DOK6: variants seen among roughly 807,000 people sequenced by gnomAD.
DOK6 encodes the protein docking protein 6, also known as downstream of tyrosine kinase 6.
Under a neutral mutation model 44.0 loss-of-function variants are expected in DOK6, and 22 were observed. That is an observed-to-expected ratio of 0.50 (90% CI 0.36 to 0.71). The LOEUF (loss-of-function observed/expected upper bound fraction) is 0.71, where lower values mean the gene tolerates loss of function less well. DOK6 is among the 30% of genes least tolerant of loss of function. The pLI is 0.00. For missense variants in DOK6, 340 were observed against 416.4 expected, an observed-to-expected ratio of 0.82 and a Z score of 1.60; for synonymous variants, 166 against 145.5, an observed-to-expected ratio of 1.14 and a Z score of -1.01.
At chr18:69,796,199 G>C (rs773715206) in intron 7 of DOK6, among the ~76,000 whole-genome samples, 1 of 152,106 alleles carries the variant, frequency 6.6e-6, no homozygotes, top group Admixed American at 6.6e-5. Flanking sequence ...TCCAAAGAAG[G>C]GTCCTGGAAA....
intron 1 of DOK6, among the ~76,000 whole-genome samples, chr18:69,489,937 A>G (rs1271161210): frequency 6.6e-6 from 1 of 152,104 alleles, no homozygotes; most frequent in Non-Finnish European, 1.5e-5. Context: ...TAAAAAAAAA[A>G]AAAAACCCTA....
chr18:69,816,237 A>G (rs1568134499), intron 7 of DOK6, among the ~76,000 whole-genome samples: 1 of 152,192 alleles, frequency 6.6e-6, no homozygotes, highest in Non-Finnish European at 1.5e-5. Context: ...GGCCTACGGC[A>G]TTGCCAGGCC....
intron 3 of DOK6, among the ~76,000 whole-genome samples, chr18:69,600,658 T>C (rs1983850314): frequency 6.6e-6 from 1 of 152,182 alleles, no homozygotes; most frequent in South Asian, 2.1e-4. Flanking sequence ...TAATCTCTCA[T>C]ATTAAAACTA....
intron 7 of DOK6, among the ~76,000 whole-genome samples, chr18:69,819,352 A>G (rs1266703678): frequency 1.3e-5 from 2 of 152,188 alleles, no homozygotes; most frequent in African/African-American, 4.8e-5. Flanking sequence ...TTTGCTGCTC[A>G]TCAAACAAGC....
chr18:69,602,656 G>T (rs1983899428), intron 3 of DOK6, among the ~76,000 whole-genome samples: 1 of 152,154 alleles, frequency 6.6e-6, no homozygotes, highest in African/African-American at 2.4e-5. Context: ...ATAGAAGATA[G>T]ATATAGGCTA....
At chr18:69,712,745 G>A (rs947990784) in intron 5 of DOK6, among the ~76,000 whole-genome samples, 2 of 152,108 alleles carry the variant, frequency 1.3e-5, no homozygotes, top group Non-Finnish European at 2.9e-5. Flanking sequence ...TACTCAGGAG[G>A]CTGCGGCAGG....
intron 4 of DOK6, among the ~76,000 whole-genome samples, chr18:69,695,753 A>G (rs1035990388): frequency 1.3e-5 from 2 of 152,206 alleles, no homozygotes; most frequent in African/African-American, 4.8e-5. Context: ...ATTAGCTGTT[A>G]GGAGAGAATA....
At chr18:69,443,748 T>C (rs1979201026) in intron 1 of DOK6, among the ~76,000 whole-genome samples, 1 of 152,152 alleles carries the variant, frequency 6.6e-6, no homozygotes. Flanking sequence ...GACTCTGTCT[T>C]GTTTGAAGGA....
At chr18:69,739,126 CTAT>C (rs1978716242) in intron 6 of DOK6, 23 bp downstream of exon 6, 1 of 1,612,346 alleles carries the variant, frequency 6.2e-7, no homozygotes, top group Admixed American at 1.7e-5. Flanking sequence ...CCTTGGTAAC[CTAT>C]CAGCTTGGAA....
chr18:69,694,420 T>C (rs550656370), intron 4 of DOK6, among the ~76,000 whole-genome samples: 1 of 151,252 alleles, frequency 6.6e-6, no homozygotes, highest in Non-Finnish European at 1.5e-5. Flanking sequence ...CTTTGTTGGA[T>C]GCAATATTTA....
intron 5 of DOK6, among the ~76,000 whole-genome samples, chr18:69,704,061 C>A (rs1230704547): frequency 2.0e-5 from 3 of 152,218 alleles, no homozygotes; most frequent in African/African-American, 7.2e-5. Context: ...TGATCTCAGA[C>A]TCCAGCCTCC....
At chr18:69,660,655 A>G (rs1210739745) in intron 3 of DOK6, 1 of 150,294 alleles carries the variant, frequency 6.7e-6, no homozygotes, top group Non-Finnish European at 1.5e-5. Context: ...TGAAGACATG[A>G]GACATCTATA....
intron 5 of DOK6, among the ~76,000 whole-genome samples, chr18:69,725,242 G>A (rs373201423): frequency 1.1e-4 from 17 of 152,124 alleles, no homozygotes; most frequent in African/African-American, 3.6e-4. Flanking sequence ...ATCACCACCC[G>A]TCAGCCTGCA....
intron 7 of DOK6, among the ~76,000 whole-genome samples, chr18:69,768,972 T>TGTGTGTGTGTGTG: frequency 6.6e-6 from 1 of 151,774 alleles, no homozygotes; most frequent in Middle Eastern, 3.4e-3. Flanking sequence ...TGTGTGTGTG[T>TGTGTGTGTGTGTG]GTGTGTGTGT....
chr18:69,687,657 G>A (rs1986181904), intron 4 of DOK6, among the ~76,000 whole-genome samples: 1 of 152,128 alleles, frequency 6.6e-6, no homozygotes, highest in South Asian at 2.1e-4. Context: ...ACTGCAGCCT[G>A]GGTGAAAGCT....
chr18:69,548,263 AT>A (rs970945264), intron 1 of DOK6, among the ~76,000 whole-genome samples: 1 of 151,050 alleles, frequency 6.6e-6, no homozygotes, highest in Admixed American at 6.6e-5. Context: ...TCATATATAT[AT>A]TTTTTTAATC....
At chr18:69,793,779 A>C (rs908569768) in intron 7 of DOK6, among the ~76,000 whole-genome samples, 2 of 152,134 alleles carry the variant, frequency 1.3e-5, no homozygotes, top group Non-Finnish European at 2.9e-5. Flanking sequence ...CATCTTTTGC[A>C]CATCTAGAGA....
At chr18:69,525,141 T>C (rs9989584) in intron 1 of DOK6, among the ~76,000 whole-genome samples, 83,064 of 151,544 alleles carry the variant, frequency 0.55, 23,607 homozygotes, top group Non-Finnish European at 0.63. Flanking sequence ...AAATGGAAAA[T>C]GACTTGATTT....
At chr18:69,678,809 T>C (rs1248860450) in intron 4 of DOK6, among the ~76,000 whole-genome samples, 1 of 152,222 alleles carries the variant, frequency 6.6e-6, no homozygotes, top group Admixed American at 6.5e-5. Flanking sequence ...AGAAACTTTT[T>C]AGTGTTGCTA....
Sources: allele counts gnomAD v4.1 joint callset (sites outside exome capture counted in the v4.1 genomes callset), GRCh38; gene constraint gnomAD v4.1.1; transcripts MANE v1.5; gene names NCBI Gene and HGNC (gene_info 2026-07-23, HGNC 2026-07-21).